The following TNS3 variants were observed in gnomAD, a reference collection of about 807,000 sequenced individuals.
The protein encoded by TNS3 is tensin 3.
In TNS3, 45 loss-of-function variants were observed where a neutral mutation model predicts 140.9. The observed-to-expected ratio is 0.32, with a 90% CI of 0.25 to 0.41. TNS3 has a LOEUF of 0.41. TNS3 is among the 10% of genes least tolerant of loss of function. TNS3 has a pLI of 1.00. For synonymous variants in TNS3, 815 were observed against 788.4 expected, an observed-to-expected ratio of 1.03 and a Z score of -0.56; for missense variants, 1,716 against 1,906.7, an observed-to-expected ratio of 0.90 and a Z score of 1.86.
intron 16 of TNS3, among the ~76,000 whole-genome samples, chr7:47,390,924 G>A (rs189531854): frequency 1.1e-4 from 16 of 152,232 alleles, no homozygotes; most frequent in Admixed American, 2.6e-4. Flanking sequence ...CCCAGAGGGC[G>A]TCCTCCAGCC....
At chr7:47,474,204 A>C (rs1297224912) in intron 4 of TNS3, among the ~76,000 whole-genome samples, 1 of 150,026 alleles carries the variant, frequency 6.7e-6, no homozygotes, top group East Asian at 2.0e-4. Flanking sequence ...ACAGCACACA[A>C]AAAACACCTC....
In TNS3 at chr7:47,415,121, C is replaced by T. The variant is rs745322100; in HGVS notation, c.559G>A (p.Gly187Ser). 16 of 1,611,822 alleles carry T rather than the reference C, an allele frequency of 9.9e-6. No homozygotes were observed. The highest frequency in any genetic ancestry group is 2.2e-5 in the East Asian group (1 of 44,674). ...CCACCTGTGTCGAAGTTGGGGGTGC[C>T]GTGGAGGATGACAAAATGCAGGAAC... is the stretch of plus-strand genomic sequence containing the variant. ...PLFLHFVILH[G>S]TPNFDTGGVC... Residue 187 changes from glycine (G) to serine (S), a missense_variant, in exon 11 of 31, where the codon GGC (glycine) becomes AGC (serine). This residue lies in a region of TNS3 where 337 missense variants were observed against 428.9 expected (regional missense o/e 0.79). Coordinates refer to ENST00000311160, the MANE Select transcript of TNS3 (RefSeq NM_022748.12).
Position 47,304,977 on chromosome 7 carries a change from T to C in TNS3, c.2677A>G (p.Thr893Ala). Residue 893 changes from threonine to alanine, a missense_variant, in exon 21 of 31, where the codon ACT (threonine) becomes GCT (alanine). By Grantham distance (58) the Thr-to-Ala change is moderately conservative. Around this residue, in one of 3 missense-constraint regions of TNS3, gnomAD observed 1,163 missense variants for 1,182.1 expected, o/e 0.98. Transcript: ENST00000311160. ...CTCTCTGACATCCCCACAGCGTGAG[T>C]GAGCGTCTCAGGGCAGCTTCGTGGT... ...REPRSCPETL[T>A]HAVGMSESPI... 1 of 1,394,428 alleles carries C rather than the reference T, an allele frequency of 7.2e-7. No homozygotes were observed. The highest frequency in any genetic ancestry group is 9.4e-7 in the Non-Finnish European group (1 of 1,061,016). 86.4% of individuals were successfully genotyped at this position (1,394,428 alleles called of 1,614,324 possible). A position where few individuals can be genotyped will look rare whatever the true frequency, so the allele number is the denominator to read the frequency against.
At chr7:47,523,792 C>T (rs940920846) in intron 2 of TNS3, among the ~76,000 whole-genome samples, 1 of 152,216 alleles carries the variant, frequency 6.6e-6, no homozygotes, top group African/African-American at 2.4e-5. Context: ...TGCCAGTTCT[C>T]TCTGCAAAAA....
chr7:47,513,326 T>C (rs1798671739), intron 2 of TNS3, among the ~76,000 whole-genome samples: 1 of 152,128 alleles, frequency 6.6e-6, no homozygotes, highest in African/African-American at 2.4e-5. Flanking sequence ...CGTGCCACTG[T>C]GCAGGCCAAT....
chr7:47,422,343 G>A (rs1477554063), intron 10 of TNS3, among the ~76,000 whole-genome samples: 1 of 152,188 alleles, frequency 6.6e-6, no homozygotes, highest in African/African-American at 2.4e-5. Context: ...GCAGGGCATG[G>A]TGGCTCACAC....
At chr7:47,455,134 G>A (rs911572187) in intron 4 of TNS3, among the ~76,000 whole-genome samples, 2 of 152,128 alleles carry the variant, frequency 1.3e-5, no homozygotes, top group South Asian at 2.1e-4. Context: ...GGGTGCTGAC[G>A]GGGGCAAGAC....
chr7:47,421,763 A>G lies in TNS3; in HGVS notation c.473+2338T>C, dbSNP rs181113180. The stretch of plus-strand genomic sequence containing the variant: ...AAAAACAGAAAACTTACATGGGCAC[A>G]TGTGAGTTTTACGGGTCAGCTCCAT... On this transcript the variant is annotated intron_variant, in intron 10 of 30. Coordinates refer to ENST00000311160, the MANE Select transcript of TNS3 (RefSeq NM_022748.12). Among the ~76,000 whole-genome samples the G allele has an allele frequency of 1.5e-3, 230 of 152,286 alleles. 4 individuals are homozygous for G. Among genetic ancestry groups the G allele is most frequent in the Non-Finnish European group, 2.9e-4 (20 of 68,026 alleles).
At chr7:47,520,412 A>G (rs1014686131) in intron 2 of TNS3, among the ~76,000 whole-genome samples, 4 of 152,220 alleles carry the variant, frequency 2.6e-5, no homozygotes, top group African/African-American at 9.6e-5. Context: ...GCTTGGCTAC[A>G]CTACTCAGTG....
intron 24 of TNS3, among the ~76,000 whole-genome samples, chr7:47,294,356 C>T (rs957601706): frequency 6.6e-6 from 1 of 152,220 alleles, no homozygotes; most frequent in African/African-American, 2.4e-5. Flanking sequence ...CACTCTACCA[C>T]ATTGCTATTA....
chr7:47,420,166 T>C (rs1207497392), intron 10 of TNS3, among the ~76,000 whole-genome samples: 2 of 152,244 alleles, frequency 1.3e-5, no homozygotes, highest in African/African-American at 2.4e-5. Flanking sequence ...CCTGAGGTAC[T>C]GTGTCAAAAA....
intron 12 of TNS3, among the ~76,000 whole-genome samples, 198 bp downstream of exon 12, chr7:47,413,739 A>G (rs921276967): frequency 6.6e-6 from 1 of 152,146 alleles, no homozygotes; most frequent in African/African-American, 2.4e-5. Context: ...TGTGCAGGGC[A>G]GGAGGGAGGG....
At chr7:47,504,860 G>A (rs930808988) in intron 3 of TNS3, among the ~76,000 whole-genome samples, 2 of 152,040 alleles carry the variant, frequency 1.3e-5, no homozygotes, top group African/African-American at 4.8e-5. Flanking sequence ...AAATGAACAC[G>A]GATATATTTC....
intron 1 of TNS3, among the ~76,000 whole-genome samples, chr7:47,575,965 AG>A (rs1157464170): frequency 1.3e-5 from 2 of 152,042 alleles, no homozygotes; most frequent in Non-Finnish European, 2.9e-5. Flanking sequence ...ACCCACGTAG[AG>A]CCCTCCTGTC....
At chr7:47,524,271 C>G (rs1181455079) in intron 2 of TNS3, among the ~76,000 whole-genome samples, 2 of 152,206 alleles carry the variant, frequency 1.3e-5, no homozygotes, top group East Asian at 3.9e-4. Flanking sequence ...ATTTTCATGC[C>G]CATTTTAGGG....
At chr7:47,490,506 C>T (rs1223115861) in intron 3 of TNS3, among the ~76,000 whole-genome samples, 2 of 152,242 alleles carry the variant, frequency 1.3e-5, no homozygotes, top group East Asian at 1.9e-4. Flanking sequence ...AGTCTGGGCT[C>T]GTCCTGGGTT....
chr7:47,469,127 A>G (rs903373311), intron 4 of TNS3, among the ~76,000 whole-genome samples: 3 of 152,248 alleles, frequency 2.0e-5, no homozygotes, highest in African/African-American at 7.2e-5. Flanking sequence ...ACCTCAAACT[A>G]TAAAAATCCT....
intron 1 of TNS3, among the ~76,000 whole-genome samples, chr7:47,534,608 C>A (rs541591299): frequency 6.6e-6 from 1 of 152,302 alleles, no homozygotes; most frequent in East Asian, 1.9e-4. Context: ...TCCCGTGATT[C>A]TAATTTGCGG....
At chr7:47,558,241 A>G (rs574267918) in intron 1 of TNS3, among the ~76,000 whole-genome samples, 39 of 152,310 alleles carry the variant, frequency 2.6e-4, no homozygotes, top group African/African-American at 8.9e-4. Context: ...AGAGCAAGCT[A>G]CAGCAAGCCG....
Sources: allele counts gnomAD v4.1 joint callset (sites outside exome capture counted in the v4.1 genomes callset), GRCh38; gene constraint gnomAD v4.1.1; regional missense constraint gnomAD v4.1.1; transcripts MANE v1.5; gene names NCBI Gene and HGNC (gene_info 2026-07-23, HGNC 2026-07-21).